ZNF469: variants seen among roughly 807,000 people sequenced by gnomAD.
ZNF469 encodes zinc finger protein 469.
In ZNF469, 1 loss-of-function variant was observed where a neutral mutation model predicts 1.0. That is an observed-to-expected ratio of 1.00 (90% CI 0.35 to 4.73). The LOEUF (loss-of-function observed/expected upper bound fraction) is 4.73. Ranked by LOEUF, ZNF469 falls within the 30% of genes most tolerant of loss-of-function variation. The pLI is 0.16. For synonymous variants in ZNF469, 2,703 were observed against 2,363.4 expected, an observed-to-expected ratio of 1.14 and a Z score of -4.17; for missense variants, 6,100 against 5,356.3, an observed-to-expected ratio of 1.14 and a Z score of -4.33.
At chr16:88,171,264 C>A in the ZNF469 span, among the ~76,000 whole-genome samples, 1 of 152,236 alleles carries the variant, frequency 6.6e-6, no homozygotes, top group Non-Finnish European at 1.5e-5. Context: ...CAGCTCCACC[C>A]CAGGTAGTGG....
At chr16:88,288,680 C>T in the ZNF469 span, among the ~76,000 whole-genome samples, 5 of 152,280 alleles carry the variant, frequency 3.3e-5, no homozygotes, top group Admixed American at 3.3e-4. Flanking sequence ...CTCATGTAAC[C>T]CCTGTTGCAT....
the ZNF469 span, among the ~76,000 whole-genome samples, chr16:88,211,051 A>G: frequency 2.6e-5 from 4 of 152,232 alleles, no homozygotes; most frequent in Non-Finnish European, 4.4e-5. Flanking sequence ...ATGCCTTCTC[A>G]TTTGTCAGTC....
At chr16:88,333,886 G>A in the ZNF469 span, among the ~76,000 whole-genome samples, 1 of 151,428 alleles carries the variant, frequency 6.6e-6, no homozygotes, top group Non-Finnish European at 1.5e-5. Flanking sequence ...GTGTTTGTGT[G>A]TCTGTGTGTG....
the ZNF469 span, among the ~76,000 whole-genome samples, chr16:88,245,146 A>G: frequency 0.35 from 53,391 of 151,834 alleles, 11,613 homozygotes; most frequent in Non-Finnish European, 0.48. Flanking sequence ...GGAGGAAAGA[A>G]GGGGTGTGTT....
chr16:88,337,987 A>T, the ZNF469 span, among the ~76,000 whole-genome samples: 2 of 152,140 alleles, frequency 1.3e-5, no homozygotes, highest in Non-Finnish European at 2.9e-5. Context: ...TTTTTAGCTT[A>T]TGAGGATCCA....
the ZNF469 span, among the ~76,000 whole-genome samples, chr16:88,304,723 G>A: frequency 2.0e-5 from 3 of 152,166 alleles, no homozygotes; most frequent in African/African-American, 7.2e-5. Flanking sequence ...CTCCCAAAGA[G>A]CATCTGCTCC....
In ZNF469 at chr16:88,434,946, C is replaced by T; in HGVS notation, c.7476C>T (p.Ala2492=). Residue 2492 remains alanine (A), a synonymous_variant, in exon 3 of 3, where the codon GCC becomes GCT. Transcript: ENST00000565624. ...RSGPGLSRHK[A]RKHRPHPGAP... ...GGCCGGGCCTGAGCCGGCACAAGGC[C>T]AGGAAGCACCGGCCACACCCGGGAG... is the stretch of plus-strand genomic sequence containing the variant. 1 of 1,550,036 alleles carries T rather than the reference C, an allele frequency of 6.5e-7. No homozygotes were observed. The highest frequency in any genetic ancestry group is 8.7e-7 in the Non-Finnish European group (1 of 1,146,920).
chr16:88,251,536 GTCTTTTTTTTTTTTT>G, the ZNF469 span, among the ~76,000 whole-genome samples: 3 of 78,778 alleles, frequency 3.8e-5, no homozygotes, highest in South Asian at 5.0e-4. Flanking sequence ...TGTCCCTGCT[GTCTTTTTTTTTTTTT>G]TTTTTTTTTT....
the ZNF469 span, among the ~76,000 whole-genome samples, chr16:88,369,538 T>C: frequency 1.3e-5 from 2 of 152,238 alleles, no homozygotes; most frequent in Admixed American, 1.3e-4. Context: ...CATTGCCCAT[T>C]GCTATGTGAC....
chr16:88,436,811 C>T lies in ZNF469; in HGVS notation c.9341C>T (p.Ser3114Phe). The T allele has an allele frequency of 6.5e-7, 1 of 1,540,394 alleles. No homozygotes were observed. The highest frequency in any genetic ancestry group is 8.7e-7 in the Non-Finnish European group (1 of 1,146,096). Residue 3114 changes from serine to phenylalanine, a missense_variant, in exon 3 of 3, where the codon TCC becomes TTC. Ser to Phe is a radical substitution (Grantham distance 155). Coordinates refer to ENST00000565624, the MANE Select transcript of ZNF469 (RefSeq NM_001367624.2). ...RGRPAKGRRA[S>F]YKCKVCFQRF... Reference sequence around the variant, plus strand: ...CGGCCGGCCAAGGGCAGGCGGGCCTCCTACAAGTGCAAAGTGTGCTTCCAG... The same window carrying T: ...CGGCCGGCCAAGGGCAGGCGGGCCTTCTACAAGTGCAAAGTGTGCTTCCAG...
chr16:88,282,664 T>C, the ZNF469 span, among the ~76,000 whole-genome samples: 1 of 152,152 alleles, frequency 6.6e-6, no homozygotes, highest in African/African-American at 2.4e-5. Flanking sequence ...TGCTCAGCCG[T>C]TAAGCAGCTT....
chr16:88,139,992 A>G, the ZNF469 span, among the ~76,000 whole-genome samples: 2 of 152,360 alleles, frequency 1.3e-5, no homozygotes, highest in Non-Finnish European at 1.5e-5. Context: ...TTGAGCTCCA[A>G]TAAACAGCCA....
At chr16:88,268,297 G>A in the ZNF469 span, among the ~76,000 whole-genome samples, 1 of 152,158 alleles carries the variant, frequency 6.6e-6, no homozygotes. Context: ...ACCCTGAGAA[G>A]ATGACGTTGG....
rs764771501 is a variant in ZNF469, at chr16:88,432,177, C to G, written c.4707C>G (p.Thr1569=). The part of the protein sequence containing the change: ...EDELEIQKLV[T]ELESQLQRSK... ...AACTGGAGATCCAGAAATTGGTCAC[C>G]GAATTAGAAAGTCAGCTGCAAAGGA... Residue 1569 remains threonine, a synonymous_variant, in exon 3 of 3, where the codon ACC becomes ACG. Transcript: ENST00000565624. 6 of 1,550,314 alleles carry G rather than the reference C, an allele frequency of 3.9e-6. No individual in the cohort carries two copies. The highest frequency in any genetic ancestry group is 5.2e-6 in the Non-Finnish European group (6 of 1,146,984).
the ZNF469 span, among the ~76,000 whole-genome samples, chr16:88,185,383 C>T: frequency 4.1e-5 from 5 of 123,254 alleles, 1 homozygote; most frequent in South Asian, 6.5e-4. Context: ...CTTGTGTGTG[C>T]AGAGAACACA....
At chr16:88,373,498 C>G in the ZNF469 span, among the ~76,000 whole-genome samples, 2 of 152,178 alleles carry the variant, frequency 1.3e-5, no homozygotes. Context: ...CTGGTCCCAC[C>G]CTGCCTGTGC....
chr16:88,364,225 T>C, the ZNF469 span, among the ~76,000 whole-genome samples: 1 of 152,148 alleles, frequency 6.6e-6, no homozygotes, highest in Non-Finnish European at 1.5e-5. Context: ...TACTATCATT[T>C]CCCCTGCAAT....
At chr16:88,326,917 C>A in the ZNF469 span, among the ~76,000 whole-genome samples, 1 of 152,172 alleles carries the variant, frequency 6.6e-6, no homozygotes, top group South Asian at 2.1e-4. Context: ...GGCCCAGGAG[C>A]AGCACCCCCA....
At chr16:88,242,828 G>C in the ZNF469 span, among the ~76,000 whole-genome samples, 1 of 152,252 alleles carries the variant, frequency 6.6e-6, no homozygotes, top group African/African-American at 2.4e-5. Flanking sequence ...TCATGGAGGG[G>C]AAAACCCAAG....
Sources: allele counts gnomAD v4.1 joint callset (sites outside exome capture counted in the v4.1 genomes callset), GRCh38; gene constraint gnomAD v4.1.1; transcripts MANE v1.5; gene names NCBI Gene and HGNC (gene_info 2026-07-23, HGNC 2026-07-21).